CDH23: variants seen among roughly 807,000 people sequenced by gnomAD.
CDH23 encodes cadherin related 23.
A neutral mutation model predicts 317.1 loss-of-function variants in CDH23; 189 were observed. That is an observed-to-expected ratio of 0.60 (90% CI 0.53 to 0.67). The LOEUF (loss-of-function observed/expected upper bound fraction) is 0.67. Among genes scored for constraint, CDH23 ranks in the 30% least tolerant of loss-of-function variants. The probability of loss-of-function intolerance (pLI) is 0.00; values close to 1 mark genes in which losing one functional copy is unlikely to be tolerated. For synonymous variants in CDH23, 1,839 were observed against 1,876.8 expected, an observed-to-expected ratio of 0.98 and a Z score of 0.52; for missense variants, 4,401 against 4,592.4, an observed-to-expected ratio of 0.96 and a Z score of 1.20.
chr10:71,748,935 C>A (rs1033306282), intron 38 of CDH23: 1 of 152,928 alleles, frequency 6.5e-6, no homozygotes, highest in African/African-American at 2.4e-5. Flanking sequence ...AAACAGGAAA[C>A]CACGAAGCCC....
intron 45 of CDH23, among the ~76,000 whole-genome samples, chr10:71,789,551 A>T (rs1841188199): frequency 6.6e-6 from 1 of 152,122 alleles, no homozygotes; most frequent in Non-Finnish European, 1.5e-5. Context: ...ATGTCCCCTG[A>T]GGTGGCACCT....
At chr10:71,424,247 C>A (rs2131959013) in intron 1 of CDH23, among the ~76,000 whole-genome samples, 1 of 152,366 alleles carries the variant, frequency 6.6e-6, no homozygotes, top group East Asian at 1.9e-4. Context: ...TTGTCCCTTT[C>A]TCTCCACCTG....
chr10:71,762,494 C>T (rs940180685), intron 38 of CDH23, among the ~76,000 whole-genome samples: 1 of 152,268 alleles, frequency 6.6e-6, no homozygotes, highest in Non-Finnish European at 1.5e-5. Flanking sequence ...AGAGCACCTG[C>T]GTGTGCAAGG....
intron 14 of CDH23, among the ~76,000 whole-genome samples, chr10:71,656,335 G>A (rs1485432307): frequency 1.3e-5 from 2 of 152,222 alleles, no homozygotes; most frequent in Non-Finnish European, 2.9e-5. Context: ...GGTGCCCTGG[G>A]CCTTCCTGGC....
chr10:71,553,595 C>T (rs976453476), intron 6 of CDH23, among the ~76,000 whole-genome samples: 6 of 152,120 alleles, frequency 3.9e-5, no homozygotes, highest in African/African-American at 9.7e-5. Context: ...GGGAGGAGTC[C>T]GAGGGGCAGG....
intron 3 of CDH23, among the ~76,000 whole-genome samples, chr10:71,501,518 G>T (rs1853333679): frequency 6.6e-6 from 1 of 152,174 alleles, no homozygotes; most frequent in Admixed American, 6.5e-5. Context: ...ACCGGCCAGT[G>T]TCAGAGCTCA....
chr10:71,684,228 G>A (rs972052502), intron 18 of CDH23, among the ~76,000 whole-genome samples: 4 of 151,754 alleles, frequency 2.6e-5, no homozygotes, highest in African/African-American at 7.3e-5. Flanking sequence ...CCCATGGCCC[G>A]ACCCTGACCA....
intron 6 of CDH23, among the ~76,000 whole-genome samples, chr10:71,523,092 C>T (rs550217678): frequency 2.6e-5 from 4 of 152,210 alleles, no homozygotes; most frequent in African/African-American, 4.8e-5. Flanking sequence ...TTAGAGGAGC[C>T]GGCCCTGAGA....
chr10:71,489,591 C>CGG lies in CDH23; in HGVS notation c.146-20488_146-20487dup, dbSNP rs1554830086. Among the ~76,000 whole-genome samples the CGG allele has an allele frequency of 3.3e-3, 348 of 106,000 alleles. 1 individual carries two copies. The highest frequency in any genetic ancestry group is 8.7e-3 in the Middle Eastern group (2 of 230). 69.5% of individuals were successfully genotyped at this position (106,000 alleles called of 152,430 possible). A position where few individuals can be genotyped will look rare whatever the true frequency, so the allele number is the denominator to read the frequency against. On this transcript the variant is annotated intron_variant, in intron 3 of 69. Transcript: ENST00000224721. ...CTTTAGGTTTTCATTCACAGTGCCTCGGGGTGTGTGTGTGTGTGTGTGTGT... is the reference window on the plus strand; with the variant it reads ...CTTTAGGTTTTCATTCACAGTGCCTCGGGGGGTGTGTGTGTGTGTGTGTGTGT...
rs1210896928 is a variant in CDH23, at chr10:71,705,051, C to T, written c.2874C>T (p.Ile958=). 23 of 1,612,522 alleles carry T rather than the reference C, an allele frequency of 1.4e-5. No individual in the cohort carries two copies. The highest frequency in any genetic ancestry group is 1.9e-5 in the Non-Finnish European group (23 of 1,179,834). ...CCACCGAGCTGGACCGCGAGCGCAT[C>T]GCGGAGTACCAGCTGCGGGTGGTGG... ...VTTTELDRER[I]AEYQLRVVAS... Residue 958 remains isoleucine, a synonymous_variant, in exon 25 of 70, where the codon ATC becomes ATT. Coordinates refer to ENST00000224721, the MANE Select transcript of CDH23 (RefSeq NM_022124.6).
intron 17 of CDH23, 146 bp downstream of exon 17, chr10:71,679,638 G>A: frequency 1.5e-6 from 1 of 675,360 alleles, no homozygotes; most frequent in East Asian, 2.7e-5. Flanking sequence ...AGCACCTGGG[G>A]TGGAGCAGGA....
At chr10:71,562,907 C>G (rs1857204389) in intron 6 of CDH23, among the ~76,000 whole-genome samples, 1 of 143,358 alleles carries the variant, frequency 7.0e-6, no homozygotes. Flanking sequence ...AGCCAGATAA[C>G]AAGATCTTTC....
chr10:71,538,028 C>T (rs1855795662), intron 6 of CDH23, among the ~76,000 whole-genome samples: 1 of 152,132 alleles, frequency 6.6e-6, no homozygotes, highest in Non-Finnish European at 1.5e-5. Context: ...CAGCACTGTC[C>T]ACATCACTGA....
intron 7 of CDH23, 80 bp downstream of exon 7, chr10:71,567,016 G>A (rs994695996): frequency 7.6e-7 from 1 of 1,309,904 alleles, no homozygotes; most frequent in Admixed American, 1.8e-5. Flanking sequence ...ATTCCAATGG[G>A]ACATTGACCC....
chr10:71,694,041 C>G, intron 20 of CDH23, 106 bp from the exon 21 acceptor site: 2 of 879,894 alleles, frequency 2.3e-6, no homozygotes, highest in Non-Finnish European at 3.7e-6. Flanking sequence ...TAACATTTCT[C>G]GTGCAAGTTC....
intron 2 of CDH23, among the ~76,000 whole-genome samples, chr10:71,444,741 C>A (rs1850074180): frequency 6.6e-6 from 1 of 152,170 alleles, no homozygotes; most frequent in East Asian, 1.9e-4. Context: ...CAGATGCCAA[C>A]CTTCTCACCC....
chr10:71,617,470 C>T, intron 11 of CDH23, 77 bp downstream of exon 11: 1 of 1,553,134 alleles, frequency 6.4e-7, no homozygotes, highest in Admixed American at 1.9e-5. Flanking sequence ...TGTTCAGGTC[C>T]TCAGCTATAA....
At chr10:71,804,746 C>T (rs4747196) in intron 55 of CDH23, among the ~76,000 whole-genome samples, 48,673 of 151,980 alleles carry the variant, frequency 0.32, 8,223 homozygotes, top group East Asian at 0.61. Context: ...ACCTTGCTTC[C>T]CACCCCTCAG....
At chr10:71,506,746 G>A (rs777427361) in intron 3 of CDH23, among the ~76,000 whole-genome samples, 13 of 152,170 alleles carry the variant, frequency 8.5e-5, no homozygotes, top group South Asian at 2.1e-4. Context: ...ATTGCAGGGC[G>A]TCTTGTCTTA....
Sources: gnomAD v4.1 joint callset for allele counts (sites outside exome capture counted in the v4.1 genomes callset) on GRCh38, gnomAD v4.1.1 for gene constraint, MANE v1.5 for transcripts, NCBI Gene and HGNC (gene_info 2026-07-23, HGNC 2026-07-21) for gene names.